ARFGEF1: variants seen among roughly 807,000 people sequenced by gnomAD.
The protein encoded by ARFGEF1 is brefeldin A-inhibited guanine nucleotide-exchange protein 1.
A neutral mutation model predicts 231.0 loss-of-function variants in ARFGEF1; 42 were observed. That is an observed-to-expected ratio of 0.18 (90% CI 0.14 to 0.24). ARFGEF1 has a LOEUF of 0.24. Ranked by LOEUF, ARFGEF1 falls within the 10% of genes least tolerant of loss-of-function variation. The pLI is 1.00. For synonymous variants in ARFGEF1, 710 were observed against 732.3 expected (o/e 0.97, Z 0.49); for missense variants, 1,345 against 2,192.0 (o/e 0.61, Z 7.72).
chr8:67,269,101 G>A (rs139033290), intron 10 of ARFGEF1, among the ~76,000 whole-genome samples: 15 of 152,044 alleles, frequency 9.9e-5, no homozygotes, highest in East Asian at 1.9e-4. Context: ...ATAATTTATC[G>A]AGGACCTATA....
At chr8:67,291,811 A>C (rs374019485) in intron 6 of ARFGEF1, 36 bp downstream of exon 6, 89 of 1,598,580 alleles carry the variant, frequency 5.6e-5, no homozygotes, top group Non-Finnish European at 5.3e-5. Flanking sequence ...CATTTCCCTT[A>C]ACACACACCC....
intron 5 of ARFGEF1, chr8:67,175,680 C>A: frequency 1.6e-6 from 1 of 618,858 alleles, no homozygotes; most frequent in South Asian, 1.6e-5. Flanking sequence ...GCCAGGAGGA[C>A]TGAATACTTT....
At chr8:67,221,284 C>G (rs759806626) in intron 29 of ARFGEF1, among the ~76,000 whole-genome samples, 4 of 152,178 alleles carry the variant, frequency 2.6e-5, no homozygotes, top group Non-Finnish European at 5.9e-5. Flanking sequence ...GCAGGTCCTT[C>G]AGTAGGTATT....
chr8:67,288,114 G>A, intron 6 of ARFGEF1, 49 bp from the exon 7 acceptor site: 3 of 1,244,718 alleles, frequency 2.4e-6, no homozygotes, highest in Admixed American at 2.3e-5. Context: ...CTTTTTGGAA[G>A]CTTTTTACTA....
intron 27 of ARFGEF1, among the ~76,000 whole-genome samples, chr8:67,226,430 T>C (rs948465023): frequency 5.3e-5 from 8 of 152,096 alleles, no homozygotes; most frequent in African/African-American, 1.9e-4. Flanking sequence ...TGGTACACGG[T>C]AGGTACTGAT....
At chr8:67,186,491 C>T (rs1834633518) in intron 5 of ARFGEF1, among the ~76,000 whole-genome samples, 1 of 151,448 alleles carries the variant, frequency 6.6e-6, no homozygotes, top group East Asian at 1.9e-4. Context: ...CTAAAGTCTA[C>T]CACCCATTTA....
chr8:67,313,415 G>A (rs916563771), intron 1 of ARFGEF1, among the ~76,000 whole-genome samples: 8 of 152,084 alleles, frequency 5.3e-5, no homozygotes, highest in East Asian at 1.9e-4. Flanking sequence ...GGGTAGCCTC[G>A]GTCAGAAGAA....
chr8:67,217,775 T>G lies in ARFGEF1; in HGVS notation c.4613+7A>C. 6.2e-7 allele frequency: 1 copy of G among 1,612,866 alleles called. No homozygotes were observed. The highest frequency in any genetic ancestry group is 8.5e-7 in the Non-Finnish European group (1 of 1,179,474). On this transcript the variant is annotated splice_region_variant and intron_variant, in intron 32 of 38. Coordinates refer to ENST00000262215, the MANE Select transcript of ARFGEF1 (RefSeq NM_006421.5). ...TATAAATGTAAAGTTGTATAAAATC[T>G]TCTTACGCATGTGGGATTGTGGTTT...
intron 1 of ARFGEF1, among the ~76,000 whole-genome samples, chr8:67,326,182 A>G (rs1369398006): frequency 6.6e-6 from 1 of 152,224 alleles, no homozygotes. Flanking sequence ...TGGTTGACAG[A>G]GTGAAACTCC....
chr8:67,286,099 GT>G (rs1325893587), intron 7 of ARFGEF1, among the ~76,000 whole-genome samples: 1 of 152,180 alleles, frequency 6.6e-6, no homozygotes. Context: ...AAATGGAATT[GT>G]GCTTATTGTA....
intron 1 of ARFGEF1, among the ~76,000 whole-genome samples, chr8:67,320,565 A>G (rs1485987253): frequency 6.6e-6 from 1 of 152,246 alleles, no homozygotes; most frequent in Admixed American, 6.5e-5. Flanking sequence ...ATGAATATTT[A>G]TAGCAGCTCT....
chr8:67,315,293 C>T (rs931932793), intron 1 of ARFGEF1, among the ~76,000 whole-genome samples: 2 of 152,034 alleles, frequency 1.3e-5, no homozygotes, highest in African/African-American at 4.8e-5. Flanking sequence ...GAGAAACAGA[C>T]AAATCTGCTA....
chr8:67,193,488 C>T, downstream of ARFGEF1: 2 of 1,613,200 alleles, frequency 1.2e-6, no homozygotes, highest in South Asian at 1.1e-5. Context: ...TAATGTAGCA[C>T]CAGATGGTCT....
At chr8:67,209,121 C>G (rs1377540015) in intron 34 of ARFGEF1, among the ~76,000 whole-genome samples, 1 of 152,178 alleles carries the variant, frequency 6.6e-6, no homozygotes, top group Non-Finnish European at 1.5e-5. Flanking sequence ...AACAGGTATT[C>G]AAATGATATT....
intron 18 of ARFGEF1, among the ~76,000 whole-genome samples, chr8:67,252,202 A>G (rs918784171): frequency 6.8e-6 from 1 of 147,822 alleles, no homozygotes; most frequent in Admixed American, 6.9e-5. Context: ...AACCCAGGAG[A>G]CGGAGGTTGT....
intron 1 of ARFGEF1, among the ~76,000 whole-genome samples, chr8:67,307,541 C>T (rs1806805456): frequency 6.6e-6 from 1 of 152,138 alleles, no homozygotes; most frequent in Non-Finnish European, 1.5e-5. Flanking sequence ...TTTTGGCTTG[C>T]ATAACTGGAT....
intron 5 of ARFGEF1, among the ~76,000 whole-genome samples, chr8:67,184,828 G>A (rs1445893971): frequency 2.0e-5 from 3 of 149,534 alleles, no homozygotes; most frequent in African/African-American, 7.3e-5. Flanking sequence ...GGCCGGGCAC[G>A]GTGGCTCAAG....
At chr8:67,177,826 TATTGA>T in intron 5 of ARFGEF1, 1 of 854,592 alleles carries the variant, frequency 1.2e-6, no homozygotes, top group Admixed American at 1.8e-5. Context: ...TATTCAGGAA[TATTGA>T]ATTAAGAACG....
Position 67,334,605 on chromosome 8 carries a change from C to A in ARFGEF1, c.124+8559G>T, listed in dbSNP as rs537642665. ...ACCTAGGACAAATAACAGTTTACGTCCACACAAAGACTTATACACAAATAT... is the reference window on the plus strand; with the variant it reads ...ACCTAGGACAAATAACAGTTTACGTACACACAAAGACTTATACACAAATAT... On this transcript the variant is annotated intron_variant, in intron 1 of 38. Transcript: ENST00000262215. 2.1e-4 allele frequency among the ~76,000 whole-genome samples: 32 copies of A among 152,340 alleles called. No homozygotes were observed. In the South Asian group the frequency reaches 6.4e-3, roughly 31 times the overall value.
Sources: gnomAD v4.1 joint callset for allele counts (sites outside exome capture counted in the v4.1 genomes callset) on GRCh38, gnomAD v4.1.1 for gene constraint, MANE v1.5 for transcripts, NCBI Gene and HGNC (gene_info 2026-07-23, HGNC 2026-07-21) for gene names.